The following STK38L variants were observed in gnomAD, a reference collection of about 807,000 sequenced individuals.
The protein encoded by STK38L is serine/threonine-protein kinase 38-like.
STK38L carries 28 observed loss-of-function variants against 59.7 expected under a neutral mutation model. The observed-to-expected ratio is 0.47, with a 90% CI of 0.35 to 0.64. The LOEUF (loss-of-function observed/expected upper bound fraction) is 0.64, where lower values mean the gene tolerates loss of function less well. Ranked by LOEUF, STK38L falls within the 30% of genes least tolerant of loss-of-function variation. STK38L has a pLI of 0.01. For synonymous variants in STK38L, 162 were observed against 176.8 expected, an observed-to-expected ratio of 0.92 and a Z score of 0.66; for missense variants, 314 against 555.8, an observed-to-expected ratio of 0.56 and a Z score of 4.37.
rs1017249224 is a variant in STK38L at position 27,324,542 on chromosome 12, A to G, written c.*2087A>G. Reference sequence around the variant, plus strand: ...CTGATTTACCTAAGTTTACTTTTTAATTGCATAATAGAGCATTTTTTGTTT... The same window carrying G: ...CTGATTTACCTAAGTTTACTTTTTAGTTGCATAATAGAGCATTTTTTGTTT... On this transcript the variant is annotated 3_prime_UTR_variant, in exon 14 of 14. Transcript: ENST00000389032. 1 of 152,116 alleles carries G rather than the reference A, an allele frequency of 6.6e-6. No individual in the cohort carries two copies. Among genetic ancestry groups the G allele is most frequent in the Non-Finnish European group, 1.5e-5 (1 of 67,954 alleles). The allele number at this position is 152,116 out of a possible 1,614,324, so 9.4% of individuals were successfully genotyped here.
intron 1 of STK38L, among the ~76,000 whole-genome samples, chr12:27,260,292 T>C (rs1943177796): frequency 1.3e-5 from 2 of 152,252 alleles, no homozygotes; most frequent in South Asian, 2.1e-4. Flanking sequence ...ATTTTCAATT[T>C]ATAATTTACT....
chr12:27,258,213 A>T (rs1943129858), intron 1 of STK38L, among the ~76,000 whole-genome samples: 1 of 152,212 alleles, frequency 6.6e-6, no homozygotes. Flanking sequence ...AATGTAATTT[A>T]AAAAATATTT....
At chr12:27,302,961 C>T (rs1035417235) in intron 3 of STK38L, among the ~76,000 whole-genome samples, 12 of 149,920 alleles carry the variant, frequency 8.0e-5, no homozygotes, top group African/African-American at 2.5e-4. Context: ...TGCAGTGAGC[C>T]GAGATCGCGC....
At chr12:27,262,695 A>T (rs1943224906) in intron 1 of STK38L, among the ~76,000 whole-genome samples, 1 of 116,262 alleles carries the variant, frequency 8.6e-6, no homozygotes. Context: ...ATGGAGTGGG[A>T]CTCTATCTCT....
intron 3 of STK38L, among the ~76,000 whole-genome samples, chr12:27,306,105 G>T (rs1024436099): frequency 2.0e-5 from 3 of 151,900 alleles, no homozygotes; most frequent in Non-Finnish European, 4.4e-5. Context: ...CATTTTTATA[G>T]AATTATGTGT....
intron 1 of STK38L, among the ~76,000 whole-genome samples, chr12:27,265,063 A>G (rs1475522112): frequency 2.0e-5 from 3 of 152,226 alleles, no homozygotes; most frequent in Non-Finnish European, 4.4e-5. Flanking sequence ...CTTAGTATGC[A>G]TGTTGACTGA....
chr12:27,271,438 G>C (rs1395518482), intron 1 of STK38L, among the ~76,000 whole-genome samples: 1 of 152,230 alleles, frequency 6.6e-6, no homozygotes, highest in African/African-American at 2.4e-5. Flanking sequence ...ATTATGAATA[G>C]TTTTGGTTCC....
chr12:27,259,278 C>G (rs1943153870), intron 1 of STK38L, among the ~76,000 whole-genome samples: 1 of 152,100 alleles, frequency 6.6e-6, no homozygotes, highest in African/African-American at 2.4e-5. Context: ...CTGTCTTAAC[C>G]TCTTTGGTCT....
intron 1 of STK38L, among the ~76,000 whole-genome samples, chr12:27,256,154 A>G (rs1379210849): frequency 6.6e-6 from 1 of 152,198 alleles, no homozygotes; most frequent in African/African-American, 2.4e-5. Context: ...TGATTGAACT[A>G]GCCATCTTTC....
chr12:27,280,285 A>G (rs888182821), intron 1 of STK38L, among the ~76,000 whole-genome samples: 7 of 152,200 alleles, frequency 4.6e-5, no homozygotes, highest in African/African-American at 1.7e-4. Flanking sequence ...TATGCAATGA[A>G]AGAGAATCAA....
intron 1 of STK38L, among the ~76,000 whole-genome samples, chr12:27,277,724 A>G (rs1943568350): frequency 6.6e-6 from 1 of 152,094 alleles, no homozygotes; most frequent in South Asian, 2.1e-4. Context: ...TTTTCCAGCT[A>G]TTTGAGCAGT....
In STK38L at chr12:27,308,215, C is replaced by T; in HGVS notation, c.187-124C>T. The T allele has an allele frequency of 1.1e-6, 1 of 877,544 alleles. No individual in the cohort carries two copies. The highest frequency in any genetic ancestry group is 1.5e-6 in the Non-Finnish European group (1 of 660,062). The allele number at this position is 877,544 out of a possible 1,614,324, so 54.4% of individuals were successfully genotyped here. On this transcript the variant is annotated intron_variant, in intron 3 of 13. Coordinates refer to ENST00000389032, the MANE Select transcript of STK38L (RefSeq NM_015000.4). This position sits in a 1 kb window ranked among gnomAD's most constrained non-coding sequence, Gnocchi z 4.5. ...GAAAGTTTTCTTTAAATTGTTTTAG[C>T]CTAATAGTATATTACATATTAGTGC...
intron 1 of STK38L, chr12:27,293,712 C>G (rs1417426650): frequency 6.6e-6 from 1 of 152,078 alleles, no homozygotes; most frequent in Non-Finnish European, 1.5e-5. Flanking sequence ...ATCTTTCTCT[C>G]CCATTTCTGC....
intron 1 of STK38L, among the ~76,000 whole-genome samples, chr12:27,290,263 A>C (rs1313048646): frequency 6.6e-6 from 1 of 152,222 alleles, no homozygotes; most frequent in Non-Finnish European, 1.5e-5. Flanking sequence ...CAGAAAGTTT[A>C]AAGTTTAATT....
chr12:27,262,851 C>T lies in STK38L; in HGVS notation c.-12+18519C>T, dbSNP rs184552511. On this transcript the variant is annotated intron_variant, in intron 1 of 13. Transcript: ENST00000389032. ...TCTTACTCTGTTGCCCAGGCTGGAACGCAGTGGTGGGATCCCAGCTCACTG... is the reference window on the plus strand; with the variant it reads ...TCTTACTCTGTTGCCCAGGCTGGAATGCAGTGGTGGGATCCCAGCTCACTG... Among the ~76,000 whole-genome samples the T allele has an allele frequency of 5.7e-3, 820 of 144,674 alleles. 11 individuals are homozygous for T. Among genetic ancestry groups the T allele is most frequent in the African/African-American group, 0.02 (769 of 39,114 alleles). 94.9% of individuals were successfully genotyped at this position (144,674 alleles called of 152,430 possible).
At chr12:27,319,289 T>A in intron 11 of STK38L, 39 bp from the exon 12 acceptor site, 3 of 1,360,438 alleles carry the variant, frequency 2.2e-6, no homozygotes, top group Non-Finnish European at 3.1e-6. Flanking sequence ...ACTTTAGATG[T>A]AACTTGTGTA....
intron 1 of STK38L, among the ~76,000 whole-genome samples, chr12:27,266,562 A>G (rs1198245350): frequency 6.6e-6 from 1 of 152,202 alleles, no homozygotes; most frequent in East Asian, 1.9e-4. Context: ...CACATTGCCC[A>G]CATGTTCATA....
intron 1 of STK38L, among the ~76,000 whole-genome samples, chr12:27,249,982 T>C (rs1388350155): frequency 6.6e-6 from 1 of 152,198 alleles, no homozygotes; most frequent in Non-Finnish European, 1.5e-5. Context: ...GTTAATAATG[T>C]TTAACACCTC....
chr12:27,280,257 A>G (rs1017792367), intron 1 of STK38L, among the ~76,000 whole-genome samples: 5 of 152,220 alleles, frequency 3.3e-5, no homozygotes, highest in Non-Finnish European at 5.9e-5. Context: ...TTCCCTTAGC[A>G]AAATAAGAAC....
Sources: allele counts gnomAD v4.1 joint callset (sites outside exome capture counted in the v4.1 genomes callset), GRCh38; gene constraint gnomAD v4.1.1; non-coding constraint Gnocchi (gnomAD v3.1); transcripts MANE v1.5; gene names NCBI Gene and HGNC (gene_info 2026-07-23, HGNC 2026-07-21).